The following NMNAT2 variants were observed in gnomAD, a reference collection of about 807,000 sequenced individuals.
The protein encoded by NMNAT2 is nicotinamide/nicotinic acid mononucleotide adenylyltransferase 2.
Under a neutral mutation model 41.6 loss-of-function variants are expected in NMNAT2, and 11 were observed. The ratio of observed to expected loss-of-function variants is 0.26; its 90% CI spans 0.17 to 0.44. The LOEUF is 0.44. Ranked by LOEUF, NMNAT2 falls within the 20% of genes least tolerant of loss-of-function variation. The pLI is 1.00. For synonymous variants in NMNAT2, 148 were observed against 151.2 expected, an observed-to-expected ratio of 0.98 and a Z score of 0.16; for missense variants, 288 against 407.7, an observed-to-expected ratio of 0.71 and a Z score of 2.53.
intron 10 of NMNAT2, among the ~76,000 whole-genome samples, chr1:183,258,221 C>A (rs1429063462): frequency 6.6e-6 from 1 of 152,194 alleles, no homozygotes; most frequent in Non-Finnish European, 1.5e-5. Context: ...TCTCCTAACA[C>A]AATAGTCTAG....
At chr1:183,365,719 C>T (rs1468422000) in intron 1 of NMNAT2, among the ~76,000 whole-genome samples, 1 of 151,660 alleles carries the variant, frequency 6.6e-6, no homozygotes, top group Non-Finnish European at 1.5e-5. Flanking sequence ...GCCTGGGCAA[C>T]AAGAGAAAAA....
At chr1:183,333,183 T>C (rs1662619366) in intron 1 of NMNAT2, among the ~76,000 whole-genome samples, 1 of 151,996 alleles carries the variant, frequency 6.6e-6, no homozygotes, top group South Asian at 2.1e-4. Flanking sequence ...CTGGAGCTGG[T>C]AAAAGTGTGG....
chr1:183,377,395 T>C lies in NMNAT2; in HGVS notation c.85+40788A>G, dbSNP rs114433007. 6.6e-5 allele frequency among the ~76,000 whole-genome samples: 10 copies of C among 152,162 alleles called. 1 individual carries two copies. The highest frequency in any genetic ancestry group is 2.6e-4 in the Admixed American group (4 of 15,278). Reference sequence around the variant, plus strand: ...GGGAGGGTGGCAAAAGGCAGTTCTGTCCTGGGAGCAGTGCAAAAGGAGACT... The same window carrying C: ...GGGAGGGTGGCAAAAGGCAGTTCTGCCCTGGGAGCAGTGCAAAAGGAGACT... On this transcript the variant is annotated intron_variant, in intron 1 of 10. Transcript: ENST00000287713.
Position 183,357,316 on chromosome 1 carries a change from G to A in NMNAT2, c.85+60867C>T, listed in dbSNP as rs183794153. 4.4e-4 allele frequency among the ~76,000 whole-genome samples: 58 copies of A among 132,812 alleles called. 2 individuals are homozygous for A. The East Asian group carries it at 0.014, about 31-fold the overall frequency. 87.1% of individuals were successfully genotyped at this position (132,812 alleles called of 152,430 possible). A position where few individuals can be genotyped will look rare whatever the true frequency, so the allele number is the denominator to read the frequency against. ...ACGATCTTGGCTCACTGCAAGCTCC[G>A]CCTCCCGGGTTCACACCATTCTCCT... On this transcript the variant is annotated intron_variant, in intron 1 of 10. Transcript: ENST00000287713.
chr1:183,387,437 C>T (rs1648278162), intron 1 of NMNAT2, among the ~76,000 whole-genome samples: 1 of 152,206 alleles, frequency 6.6e-6, no homozygotes, highest in Admixed American at 6.5e-5. Context: ...TACAGCCACA[C>T]ATCTACTTTA....
Position 183,252,706 on chromosome 1 carries a change from A to G in NMNAT2, c.859T>C (p.Tyr287His). 1 of 1,614,056 alleles carries G rather than the reference A, an allele frequency of 6.2e-7. No homozygotes were observed. The highest frequency in any genetic ancestry group is 1.1e-5 in the South Asian group (1 of 91,076). Residue 287 changes from tyrosine to histidine, a missense_variant, in exon 11 of 11, where the codon TAC (tyrosine) becomes CAC (histidine). Around this residue, in one of 3 missense-constraint regions of NMNAT2, gnomAD observed 181 missense variants for 213.7 expected, o/e 0.85. Coordinates refer to ENST00000287713, the MANE Select transcript of NMNAT2 (RefSeq NM_015039.4). ...LQHGDGHVVD[Y>H]LSQPVIDYIL... is the part of the protein sequence containing the mutation. ...TAGTCGATGACCGGCTGGGACAGGTAATCCACAACATGGCCGTCCCCATGC... is the reference window on the plus strand; with the variant it reads ...TAGTCGATGACCGGCTGGGACAGGTGATCCACAACATGGCCGTCCCCATGC...
chr1:183,340,173 T>C (rs1037182793), intron 1 of NMNAT2, among the ~76,000 whole-genome samples: 4 of 152,144 alleles, frequency 2.6e-5, no homozygotes, highest in African/African-American at 9.7e-5. Context: ...GGGCTAAAGC[T>C]CTGAAGAGCA....
rs1258261901 is a variant in NMNAT2, at chr1:183,263,565, T to A, written c.652-2262A>T. Among the ~76,000 whole-genome samples the A allele has an allele frequency of 2.0e-5, 3 of 152,158 alleles. No homozygotes were observed. In the East Asian group the frequency reaches 5.8e-4, roughly 29 times the overall value. On this transcript the variant is annotated intron_variant, in intron 8 of 10. Coordinates refer to ENST00000287713, the MANE Select transcript of NMNAT2 (RefSeq NM_015039.4). Reference sequence around the variant, plus strand: ...CAGGCGCAGTGGCTCACACCTGTAATCCCAGCACTTTGGGAGGCCAAGGCG... The same window carrying A: ...CAGGCGCAGTGGCTCACACCTGTAAACCCAGCACTTTGGGAGGCCAAGGCG...
At chr1:183,325,293 C>T (rs920973033) in intron 1 of NMNAT2, among the ~76,000 whole-genome samples, 1 of 152,250 alleles carries the variant, frequency 6.6e-6, no homozygotes, top group African/African-American at 2.4e-5. Context: ...GCACATTTCA[C>T]TCTCAATTCA....
intron 1 of NMNAT2, among the ~76,000 whole-genome samples, chr1:183,343,836 T>C (rs1309543279): frequency 6.6e-6 from 1 of 152,200 alleles, no homozygotes; most frequent in Non-Finnish European, 1.5e-5. Context: ...GCTGAGCTCC[T>C]TGGCATTGAA....
At chr1:183,341,101 G>A (rs1456596100) in intron 1 of NMNAT2, among the ~76,000 whole-genome samples, 3 of 152,182 alleles carry the variant, frequency 2.0e-5, no homozygotes, top group African/African-American at 7.2e-5. Flanking sequence ...CTTGAACCCA[G>A]GTCGGCTAAG....
At chr1:183,415,966 G>A (rs973465173) in intron 1 of NMNAT2, among the ~76,000 whole-genome samples, 1 of 152,042 alleles carries the variant, frequency 6.6e-6, no homozygotes, top group Non-Finnish European at 1.5e-5. Context: ...TAATGGACAT[G>A]CAAAGGACTT....
intron 4 of NMNAT2, 78 bp from the exon 5 acceptor site, chr1:183,286,866 C>T: frequency 6.7e-7 from 1 of 1,499,180 alleles, no homozygotes; most frequent in Non-Finnish European, 9.0e-7. Context: ...TGGTCATCTG[C>T]TTGTCCATCA....
intron 1 of NMNAT2, among the ~76,000 whole-genome samples, chr1:183,399,263 G>A (rs1394342129): frequency 9.2e-5 from 14 of 152,000 alleles, no homozygotes; most frequent in African/African-American, 1.9e-4. Flanking sequence ...ACAGACTACC[G>A]TCGGAGAATA....
chr1:183,317,612 C>T (rs2102328230), intron 1 of NMNAT2, among the ~76,000 whole-genome samples: 1 of 152,306 alleles, frequency 6.6e-6, no homozygotes, highest in East Asian at 1.9e-4. Context: ...CCCACTCCCT[C>T]ATCACCTACA....
intron 1 of NMNAT2, among the ~76,000 whole-genome samples, chr1:183,407,665 C>T (rs1648996877): frequency 6.6e-6 from 1 of 152,112 alleles, no homozygotes. Context: ...CAACCCATAG[C>T]ACAATGTGCT....
Position 183,267,018 on chromosome 1 carries a change from C to T in NMNAT2, c.652-5715G>A, listed in dbSNP as rs757890902. On this transcript the variant is annotated intron_variant, in intron 8 of 10. Coordinates refer to ENST00000287713, the MANE Select transcript of NMNAT2 (RefSeq NM_015039.4). Reference sequence around the variant, plus strand: ...TAGGAGAAGATGATGGTAATCATGACGGGGTAGGGGGCAGAGGAGTTGTTG... The same window carrying T: ...TAGGAGAAGATGATGGTAATCATGATGGGGTAGGGGGCAGAGGAGTTGTTG... The T allele has an allele frequency of 9.6e-5, 16 of 167,162 alleles. No homozygotes were observed. The South Asian group carries it at 1.0e-3, about 11-fold the overall frequency. The allele number at this position is 167,162 out of a possible 1,614,324, so 10.4% of individuals were successfully genotyped here.
intron 1 of NMNAT2, among the ~76,000 whole-genome samples, chr1:183,307,925 G>C (rs1188361015): frequency 6.6e-6 from 1 of 152,210 alleles, no homozygotes; most frequent in Non-Finnish European, 1.5e-5. Flanking sequence ...CAAGGTTGGG[G>C]AGGGCGCGTG....
At position 183,249,734 on chromosome 1, in the gene NMNAT2, T is replaced by TGTGTGTGTGTGG. The variant is rs1660326007; in HGVS notation, c.*2906_*2907insCCACACACACAC. 1 of 119,132 alleles carries TGTGTGTGTGTGG rather than the reference T, an allele frequency of 8.4e-6. No homozygotes were observed. Among genetic ancestry groups the TGTGTGTGTGTGG allele is most frequent in the Non-Finnish European group, 1.7e-5 (1 of 58,136 alleles). 7.4% of individuals were successfully genotyped at this position (119,132 alleles called of 1,614,324 possible). A position where few individuals can be genotyped will look rare whatever the true frequency, so the allele number is the denominator to read the frequency against. On this transcript the variant is annotated 3_prime_UTR_variant, in exon 11 of 11. Coordinates refer to ENST00000287713, the MANE Select transcript of NMNAT2 (RefSeq NM_015039.4). The stretch of plus-strand genomic sequence containing the variant: ...GTGTGTGTGTGTGTGTGTGTGTGTT[T>TGTGTGTGTGTGG]GGGGGGTAGGGGGTGCGGCGATGGG...
Sources: gnomAD v4.1 joint callset for allele counts (sites outside exome capture counted in the v4.1 genomes callset) on GRCh38, gnomAD v4.1.1 for gene constraint, gnomAD v4.1.1 regional missense constraint, MANE v1.5 for transcripts, NCBI Gene and HGNC (gene_info 2026-07-23, HGNC 2026-07-21) for gene names.